The following KDM6B variants were observed in gnomAD, a reference collection of about 807,000 sequenced individuals.
KDM6B encodes lysine demethylase 6B, also known as lysine-specific demethylase 6B.
KDM6B carries 22 observed loss-of-function variants against 150.4 expected under a neutral mutation model. The observed-to-expected ratio is 0.15, with a 90% confidence interval of 0.10 to 0.21. The LOEUF (loss-of-function observed/expected upper bound fraction) is 0.21. KDM6B is among the 10% of genes least tolerant of loss of function. The pLI, the probability that KDM6B is intolerant of heterozygous loss-of-function variation, is 1.00. For missense variants in KDM6B, 1,984 were observed against 2,234.3 expected (o/e 0.89, Z 2.26); for synonymous variants, 1,148 against 921.1 (o/e 1.25, Z -4.46).
At chr17:7,851,926 T>C (rs2078704622) in intron 18 of KDM6B, 25 bp from the exon 19 acceptor site, 2 of 1,611,302 alleles carry the variant, frequency 1.2e-6, no homozygotes, top group Non-Finnish European at 1.7e-6. Flanking sequence ...TGGCCAGCCA[T>C]GCCGTTCTCT....
At chr17:7,842,293 C>T (rs11871032) in intron 2 of KDM6B, among the ~76,000 whole-genome samples, 4,042 of 151,986 alleles carry the variant, frequency 0.027, 180 homozygotes, top group African/African-American at 0.092. Context: ...TGGGCTTCGC[C>T]GGGAGTGCCC....
At position 7,846,897 on chromosome 17, in the gene KDM6B, C is replaced by CCACCAT. The variant is rs765463905; in HGVS notation, c.791_792insACCATC (p.Pro264_Leu265insProSer). 6.3e-7 allele frequency: 1 copy of CCACCAT among 1,590,792 alleles called. No individual in the cohort carries two copies. The highest frequency in any genetic ancestry group is 8.5e-7 in the Non-Finnish European group (1 of 1,170,856). On this transcript the variant is annotated inframe_insertion, in exon 10 of 24. Coordinates refer to ENST00000448097, the MANE Select transcript of KDM6B (RefSeq NM_001348716.2). Reference sequence around the variant, plus strand: ...ACCACCACCACCACCACCACCACCACCCCTGCCTGGCCTGGCTACCAGCCC... The same window carrying CCACCAT: ...ACCACCACCACCACCACCACCACCACCACCATCCCTGCCTGGCCTGGCTACCAGCCC...
chr17:7,845,274 G>T, intron 3 of KDM6B, 40 bp from the exon 4 acceptor site: 1 of 572,092 alleles, frequency 1.7e-6, no homozygotes, highest in Admixed American at 3.0e-5. Context: ...CCTTGACTGT[G>T]TGCTGGCCAG....
chr17:7,850,584 T>C (rs2078672066), intron 14 of KDM6B, among the ~76,000 whole-genome samples: 1 of 152,254 alleles, frequency 6.6e-6, no homozygotes, highest in Non-Finnish European at 1.5e-5. Flanking sequence ...TTCCCCACAC[T>C]GAGTTATTTG....
Position 7,847,565 on chromosome 17 carries a change from A to G in KDM6B, c.1277A>G (p.Gln426Arg). 6.2e-7 allele frequency: 1 copy of G among 1,613,052 alleles called. No individual in the cohort carries two copies. The highest frequency in any genetic ancestry group is 8.5e-7 in the Non-Finnish European group (1 of 1,179,874). The part of the protein sequence containing the change: ...NPGIPGADHY[Q>R]TPALEVSHHG... ...TTGCAGCCCGGCGCTGACCATTACC[A>G]AACTCCCGCGCTGGAGGTCTCTCAC... The change falls in exon 12 of 24, where the codon CAA (glutamine) becomes CGA (arginine). Residue 426 changes from glutamine to arginine, a missense_variant. Physicochemically the swap from Gln to Arg is conservative, Grantham distance 43 (BLOSUM62 1). Around this residue, in one of 13 missense-constraint regions of KDM6B, gnomAD observed 1,379 missense variants for 1,275.6 expected, o/e 1.08. Transcript: ENST00000448097.
chr17:7,838,639 T>C, intron 1 of KDM6B, among the ~76,000 whole-genome samples: 1 of 102,126 alleles, frequency 9.8e-6, no homozygotes, highest in Non-Finnish European at 2.0e-5. Context: ...TCACTCCTCC[T>C]CTTGGTCTGT....
At chr17:7,841,562 G>A (rs2078414324) in intron 2 of KDM6B, among the ~76,000 whole-genome samples, 2 of 152,182 alleles carry the variant, frequency 1.3e-5, no homozygotes, top group African/African-American at 4.8e-5. Context: ...ACAGCCCCGC[G>A]GAGTCATGTA....
chr17:7,848,479 T>C lies in KDM6B; in HGVS notation c.2191T>C (p.Ser731Pro). 3 of 1,607,140 alleles carry C rather than the reference T, an allele frequency of 1.9e-6. No individual in the cohort carries two copies. The highest frequency in any genetic ancestry group is 2.5e-6 in the Non-Finnish European group (3 of 1,178,938). The change falls in exon 12 of 24, where the codon TCT (serine) becomes CCT (proline). Residue 731 changes from serine (S) to proline (P), a missense_variant. Around this residue, in one of 13 missense-constraint regions of KDM6B, gnomAD observed 1,379 missense variants for 1,275.6 expected, o/e 1.08. Coordinates refer to ENST00000448097, the MANE Select transcript of KDM6B (RefSeq NM_001348716.2). ...PQPPLKEPFA[S>P]LQSPFPTDTA... is the part of the protein sequence containing the mutation. ...ACCCCCGCTGAAGGAGCCCTTTGCA[T>C]CTCTGCAGTCTCCTTTCCCCACCGA... is the stretch of plus-strand genomic sequence containing the variant.
At position 7,848,461 on chromosome 17, in the gene KDM6B, C is replaced by T. The variant is rs745461436; in HGVS notation, c.2173C>T (p.Leu725=). ...HEAGVAPQPP[L]KEPFASLQSP... The stretch of plus-strand genomic sequence containing the variant: ...AGCAGGCGTGGCCCCCCAACCCCCG[C>T]TGAAGGAGCCCTTTGCATCTCTGCA... Residue 725 remains leucine, a synonymous_variant, in exon 12 of 24, where the codon CTG becomes TTG. Coordinates refer to ENST00000448097, the MANE Select transcript of KDM6B (RefSeq NM_001348716.2). 1 of 1,611,972 alleles carries T rather than the reference C, an allele frequency of 6.2e-7. No homozygotes were observed. The highest frequency in any genetic ancestry group is 8.5e-7 in the Non-Finnish European group (1 of 1,179,930).
intron 2 of KDM6B, among the ~76,000 whole-genome samples, chr17:7,842,141 C>A (rs559554187): frequency 6.6e-6 from 1 of 152,182 alleles, no homozygotes; most frequent in East Asian, 1.9e-4. Flanking sequence ...CGGCGCTGCG[C>A]GGAGGGGCTC....
chr17:7,851,844 G>A (rs2078702331), intron 18 of KDM6B, 48 bp downstream of exon 18: 2 of 1,562,476 alleles, frequency 1.3e-6, no homozygotes, highest in Admixed American at 1.9e-5. Flanking sequence ...CGAGAGGAGG[G>A]GCTGGCGGCG....
In KDM6B at chr17:7,844,991, G is replaced by GAGAATA; in HGVS notation, c.-178_-177insAGAATA. ...GGCCAGATCTCTGGAGCTTGCCGAC[G>GAGAATA]CGGTGTGAGGACGCTCCCACGGAGG... On this transcript the variant is annotated 5_prime_UTR_variant, in exon 3 of 24. Coordinates refer to ENST00000448097, the MANE Select transcript of KDM6B (RefSeq NM_001348716.2). The surrounding 1 kb of genome is among the most constrained non-coding windows in gnomAD (Gnocchi z 5.9). The GAGAATA allele has an allele frequency of 5.4e-6, 1 of 183,582 alleles. No homozygotes were observed. Among genetic ancestry groups the GAGAATA allele is most frequent in the South Asian group, 9.3e-5 (1 of 10,806 alleles). 11.4% of individuals were successfully genotyped at this position (183,582 alleles called of 1,614,324 possible).
Position 7,846,069 on chromosome 17 carries a change from G to A in KDM6B, c.237-9G>A, listed in dbSNP as rs764686130. 1 of 1,342,954 alleles carries A rather than the reference G, an allele frequency of 7.4e-7. No individual in the cohort carries two copies. 83.2% of individuals were successfully genotyped at this position (1,342,954 alleles called of 1,614,324 possible). ...CCCCACCCACACCCCCACCCCTTCT[G>A]CTCTGTAGGGCGCCCACTCCAAGAC... On this transcript the variant is annotated splice_polypyrimidine_tract_variant and intron_variant, in intron 6 of 23. Transcript: ENST00000448097.
rs1281715394 is a variant in KDM6B at position 7,848,736 on chromosome 17, C to T, written c.2448C>T (p.Tyr816=). 1 of 1,612,904 alleles carries T rather than the reference C, an allele frequency of 6.2e-7. No homozygotes were observed. The highest frequency in any genetic ancestry group is 2.2e-5 in the East Asian group (1 of 44,858). ...SLASVLEGQK[Y]CYRGTGAAVS... ...CCTCCGTGCTGGAGGGACAAAAGTA[C>T]TGTTATCGGGGGACTGGAGCAGCTG... Residue 816 remains tyrosine (Y), a synonymous_variant, in exon 12 of 24, where the codon TAC becomes TAT. Transcript: ENST00000448097.
Position 7,848,685 on chromosome 17 carries a change from C to T in KDM6B, c.2397C>T (p.Ser799=). 6.2e-7 allele frequency: 1 copy of T among 1,611,954 alleles called. No individual in the cohort carries two copies. Residue 799 remains serine (S), a synonymous_variant, in exon 12 of 24, where the codon AGC becomes AGT. Transcript: ENST00000448097. The stretch of plus-strand genomic sequence containing the variant: ...AGCCACCACCACCCCCACCCCCCAG[C>T]CCGGCCAGCCTGCTCAAATCCTTGG... The part of the protein sequence containing the change: ...QPQPPPPPPP[S]PASLLKSLAS...
At position 7,849,754 on chromosome 17, in the gene KDM6B, C is replaced by G. The variant is rs760929247; in HGVS notation, c.3440+26C>G. The stretch of plus-strand genomic sequence containing the variant: ...GTGAGTCGGCTGCCTGCTTGCTTGT[C>G]CCGGAGACAGGCTCCCTTCCCCCAT... On this transcript the variant is annotated intron_variant, in intron 12 of 23. Coordinates refer to ENST00000448097, the MANE Select transcript of KDM6B (RefSeq NM_001348716.2). 13 of 1,612,556 alleles carry G rather than the reference C, an allele frequency of 8.1e-6. No individual in the cohort carries two copies. The African/African-American group carries it at 1.3e-4, about 17-fold the overall frequency.
rs1388620859 is a variant in KDM6B, at chr17:7,848,944, G to A, written c.2656G>A (p.Glu886Lys). The A allele has an allele frequency of 2.0e-5, 32 of 1,594,504 alleles. No homozygotes were observed. Among genetic ancestry groups the A allele is most frequent in the Non-Finnish European group, 2.6e-5 (31 of 1,169,986 alleles). The change falls in exon 12 of 24, where the codon GAA (glutamate) becomes AAA (lysine). Residue 886 changes from glutamate to lysine, a missense_variant. Coordinates refer to ENST00000448097, the MANE Select transcript of KDM6B (RefSeq NM_001348716.2). ...GPWARERRAG[E>K]EPVPGPMTPT... Reference sequence around the variant, plus strand: ...CTGGGCCCGGGAGCGCAGGGCGGGCGAAGAGCCAGTCCCGGGCCCCATGAC... The same window carrying A: ...CTGGGCCCGGGAGCGCAGGGCGGGCAAAGAGCCAGTCCCGGGCCCCATGAC...
At chr17:7,845,499 C>A in intron 4 of KDM6B, 43 bp downstream of exon 4, 1 of 1,609,374 alleles carries the variant, frequency 6.2e-7, no homozygotes, top group Non-Finnish European at 8.5e-7. Context: ...TGTACACTGG[C>A]AGCTCTGGTT....
chr17:7,836,124 C>T (rs989745469), intron 1 of KDM6B, among the ~76,000 whole-genome samples: 10 of 152,234 alleles, frequency 6.6e-5, no homozygotes, highest in Admixed American at 2.0e-4. Context: ...CCCGCCCGGG[C>T]CCAGCTGCTG....
Sources: gnomAD v4.1 joint callset for allele counts (sites outside exome capture counted in the v4.1 genomes callset) on GRCh38, gnomAD v4.1.1 for gene constraint, gnomAD v4.1.1 regional missense constraint, Gnocchi (gnomAD v3.1) non-coding constraint, MANE v1.5 for transcripts, NCBI Gene and HGNC (gene_info 2026-07-23, HGNC 2026-07-21) for gene names.